DDX60: variants seen among roughly 807,000 people sequenced by gnomAD.
DDX60 encodes the protein DExD/H-box helicase 60.
A neutral mutation model predicts 212.8 loss-of-function variants in DDX60; 165 were observed. The observed-to-expected ratio is 0.78, with a 90% CI of 0.68 to 0.88. The LOEUF is 0.88. Ranked by LOEUF, DDX60 falls within the 40% of genes least tolerant of loss-of-function variation. The probability of loss-of-function intolerance (pLI) is 0.00; values close to 1 mark genes in which losing one functional copy is unlikely to be tolerated. For synonymous variants in DDX60, 703 were observed against 685.3 expected (o/e 1.03, Z -0.40); for missense variants, 1,905 against 2,003.9 (o/e 0.95, Z 0.94).
At chr4:168,319,917 G>C (rs1235676241), upstream of DDX60, among the ~76,000 whole-genome samples, 1 of 152,210 alleles carries the variant, frequency 6.6e-6, no homozygotes, top group Non-Finnish European at 1.5e-5. Context: ...GTTGTTAAAA[G>C]AGGGGGATAT....
intron 14 of DDX60, among the ~76,000 whole-genome samples, chr4:168,276,655 T>C (rs1735355982): frequency 6.6e-6 from 1 of 152,228 alleles, no homozygotes; most frequent in African/African-American, 2.4e-5. Context: ...TGTCACATTC[T>C]AGATGTTGCT....
At chr4:168,223,479 ACTTGTT>A (rs780875869) in intron 35 of DDX60, among the ~76,000 whole-genome samples, 35 of 152,000 alleles carry the variant, frequency 2.3e-4, no homozygotes, top group Non-Finnish European at 4.6e-4. Flanking sequence ...AGTTTTCCTG[ACTTGTT>A]CTTAACTTAC....
chr4:168,238,314 A>T (rs1442429756), intron 30 of DDX60, among the ~76,000 whole-genome samples: 2 of 150,618 alleles, frequency 1.3e-5, no homozygotes, highest in African/African-American at 4.9e-5. Context: ...GGGTTTATAG[A>T]ACCTAGAAAG....
chr4:168,225,424 CA>C (rs1472917093), intron 34 of DDX60, 104 bp downstream of exon 34: 6 of 1,239,588 alleles, frequency 4.8e-6, no homozygotes, highest in African/African-American at 1.6e-5. Flanking sequence ...CACTTGAGGG[CA>C]AAATAAACTT....
At chr4:168,275,081 T>C (rs1735274802) in intron 16 of DDX60, among the ~76,000 whole-genome samples, 1 of 152,214 alleles carries the variant, frequency 6.6e-6, no homozygotes, top group Non-Finnish European at 1.5e-5. Context: ...TCCATGATGA[T>C]ACAGCTGGAT....
chr4:168,298,620 T>C (rs1046421422), intron 6 of DDX60, among the ~76,000 whole-genome samples: 1 of 152,014 alleles, frequency 6.6e-6, no homozygotes, highest in African/African-American at 2.4e-5. Flanking sequence ...TAAAAGAAAC[T>C]CTATAGAGAA....
At chr4:168,307,718 C>T (rs1159957272) in intron 4 of DDX60, among the ~76,000 whole-genome samples, 2 of 152,156 alleles carry the variant, frequency 1.3e-5, no homozygotes, top group Non-Finnish European at 2.9e-5. Flanking sequence ...AGCAGGAGAA[C>T]TGGAATCCAG....
chr4:168,298,363 T>C (rs1444705348), intron 6 of DDX60, among the ~76,000 whole-genome samples: 2 of 152,074 alleles, frequency 1.3e-5, no homozygotes, highest in Non-Finnish European at 2.9e-5. Flanking sequence ...TAAAACAAAG[T>C]GATTCAGAAA....
At chr4:168,297,316 AAG>A (rs1736407928) in intron 6 of DDX60, among the ~76,000 whole-genome samples, 1 of 56,880 alleles carries the variant, frequency 1.8e-5, no homozygotes. Flanking sequence ...GAAAGAAAGA[AAG>A]AAAGAAAGAA....
chr4:168,262,810 T>G, intron 22 of DDX60, 23 bp from the exon 23 acceptor site: 1 of 1,481,254 alleles, frequency 6.8e-7, no homozygotes, highest in African/African-American at 1.4e-5. Context: ...AAATTAAAAT[T>G]TTTACTCTTT....
intron 30 of DDX60, 136 bp from the exon 31 acceptor site, chr4:168,237,931 T>C (rs904913567): frequency 3.3e-6 from 2 of 610,422 alleles, no homozygotes; most frequent in Non-Finnish European, 2.6e-6. Flanking sequence ...TTTGATTTCA[T>C]ATTATTTTAT....
At chr4:168,284,238 T>C (rs953539518) in intron 12 of DDX60, among the ~76,000 whole-genome samples, 1 of 152,190 alleles carries the variant, frequency 6.6e-6, no homozygotes, top group African/African-American at 2.4e-5. Flanking sequence ...ATTATTTACA[T>C]ACCCAGGTAC....
chr4:168,325,005 C>G, the DDX60 span, among the ~76,000 whole-genome samples: 1 of 152,134 alleles, frequency 6.6e-6, no homozygotes, highest in East Asian at 1.9e-4. Context: ...ACACACCGAA[C>G]AGAAAATGTT....
chr4:168,238,497 G>A (rs923988799), intron 30 of DDX60, among the ~76,000 whole-genome samples: 2 of 150,632 alleles, frequency 1.3e-5, no homozygotes, highest in African/African-American at 2.4e-5. Flanking sequence ...GAAAGGAAGA[G>A]GAAGGGAAGA....
intron 1 of DDX60, among the ~76,000 whole-genome samples, chr4:168,312,071 A>C (rs1737157897): frequency 6.6e-6 from 1 of 152,086 alleles, no homozygotes. Flanking sequence ...AGAGATGTGG[A>C]CTCACTTGAA....
At chr4:168,306,810 T>C in intron 4 of DDX60, 90 bp from the exon 5 acceptor site, 3 of 970,058 alleles carry the variant, frequency 3.1e-6, no homozygotes, top group Non-Finnish European at 3.1e-6. Context: ...ACTGAAGGAA[T>C]AAAATCCAAC....
chr4:168,311,382 G>A lies in DDX60; in HGVS notation c.-106-17C>T. 1 of 981,966 alleles carries A rather than the reference G, an allele frequency of 1.0e-6. No homozygotes were observed. Among genetic ancestry groups the A allele is most frequent in the Non-Finnish European group, 1.5e-6 (1 of 645,960 alleles). The allele number at this position is 981,966 out of a possible 1,614,324, so 60.8% of individuals were successfully genotyped here. On this transcript the variant is annotated splice_polypyrimidine_tract_variant and intron_variant, in intron 1 of 37. Transcript: ENST00000393743. ...ATGGCAGTCCTGCAAAAAAAGAAAA[G>A]AAAATGAGTCTTTATTCAACAAACA...
intron 30 of DDX60, among the ~76,000 whole-genome samples, chr4:168,240,320 G>C (rs940034764): frequency 2.0e-5 from 3 of 152,148 alleles, no homozygotes; most frequent in African/African-American, 7.2e-5. Flanking sequence ...GGATATCAGA[G>C]AGGACACAAA....
At chr4:168,275,571 A>T (rs747771346) in intron 15 of DDX60, 68 bp from the exon 16 acceptor site, 33 of 1,333,448 alleles carry the variant, frequency 2.5e-5, no homozygotes, top group Non-Finnish European at 3.0e-5. Flanking sequence ...TAAGTAAAAC[A>T]TTTATTACTG....
Sources: gnomAD v4.1 joint callset for allele counts (sites outside exome capture counted in the v4.1 genomes callset) on GRCh38, gnomAD v4.1.1 for gene constraint, MANE v1.5 for transcripts, NCBI Gene and HGNC (gene_info 2026-07-23, HGNC 2026-07-21) for gene names.